Variants in GLIS3 observed in about 807,000 individuals in gnomAD.
GLIS3 encodes zinc finger protein GLIS3.
Under a neutral mutation model 78.6 loss-of-function variants are expected in GLIS3, and 53 were observed. The observed-to-expected ratio is 0.67, with a 90% CI of 0.54 to 0.85. The LOEUF is 0.85. GLIS3 is among the 40% of genes least tolerant of loss of function. GLIS3 has a pLI of 0.00. For missense variants in GLIS3, 1,703 were observed against 1,231.1 expected, an observed-to-expected ratio of 1.38 and a Z score of -5.74; for synonymous variants, 684 against 509.9, an observed-to-expected ratio of 1.34 and a Z score of -4.60.
rs1407427822 is a variant in GLIS3 at position 4,061,075 on chromosome 9, T to TA, written c.1710+56692dup. Among the ~76,000 whole-genome samples, 4 of 150,890 alleles carry TA rather than the reference T, an allele frequency of 2.7e-5. No homozygotes were observed. The East Asian group carries it at 7.8e-4, about 29-fold the overall frequency. On this transcript the variant is annotated intron_variant, in intron 4 of 10. Transcript: ENST00000381971. ...TGGCTACTGATCCATTTTTTTTTTTTACTATTACACTTTAAGTTCTAGGGT... is the reference window on the plus strand; with the variant it reads ...TGGCTACTGATCCATTTTTTTTTTTTAACTATTACACTTTAAGTTCTAGGGT...
the GLIS3 span, among the ~76,000 whole-genome samples, chr9:4,402,353 A>G: frequency 2.0e-5 from 3 of 152,242 alleles, no homozygotes; most frequent in Non-Finnish European, 2.9e-5. Flanking sequence ...CAAGAAGAAC[A>G]GGCATAAACA....
chr9:4,051,316 G>A (rs973732025), intron 4 of GLIS3, among the ~76,000 whole-genome samples: 6 of 152,186 alleles, frequency 3.9e-5, no homozygotes, highest in South Asian at 2.1e-4. Flanking sequence ...TGGCAGGGGC[G>A]GGGATAGGGG....
the GLIS3 span, among the ~76,000 whole-genome samples, chr9:4,442,629 T>C: frequency 3.9e-5 from 6 of 151,934 alleles, no homozygotes; most frequent in Non-Finnish European, 8.8e-5. Context: ...CCTCCTTTTT[T>C]CTCCTTAAAT....
At chr9:4,371,446 C>T in the GLIS3 span, among the ~76,000 whole-genome samples, 4 of 152,326 alleles carry the variant, frequency 2.6e-5, no homozygotes, top group East Asian at 7.7e-4. Flanking sequence ...CTGTATGTGG[C>T]CTGTGTTGCT....
At chr9:3,842,807 T>C (rs2130090711) in intron 9 of GLIS3, among the ~76,000 whole-genome samples, 1 of 152,350 alleles carries the variant, frequency 6.6e-6, no homozygotes, top group South Asian at 2.1e-4. Flanking sequence ...CTGAAAGTTT[T>C]CCAAGTGAAA....
chr9:4,338,054 G>GTC (rs34054463), intron 2 of GLIS3, among the ~76,000 whole-genome samples: 28,832 of 150,058 alleles, frequency 0.19, 3,195 homozygotes, highest in African/African-American at 0.3. Flanking sequence ...GTGTGTGTGT[G>GTC]TGTGTGTGTT....
In GLIS3 at chr9:4,123,323, G is replaced by C. The variant is rs538277820; in HGVS notation, c.596+2411C>G. ...AGGCACTCTCTTGGACTGCTGGTTA[G>C]TTTATAAATTGCTAGTGAGTTCCTG... On this transcript the variant is annotated intron_variant, in intron 3 of 10. Transcript: ENST00000381971. 2.6e-5 allele frequency among the ~76,000 whole-genome samples: 4 copies of C among 152,248 alleles called. No individual in the cohort carries two copies. In the East Asian group the frequency reaches 7.7e-4, roughly 29 times the overall value.
At chr9:4,097,723 A>G (rs980317514) in intron 4 of GLIS3, among the ~76,000 whole-genome samples, 1 of 152,188 alleles carries the variant, frequency 6.6e-6, no homozygotes, top group South Asian at 2.1e-4. Context: ...CTCAATATGA[A>G]AAACATCTCC....
At chr9:4,213,618 T>C (rs997813272) in intron 2 of GLIS3, among the ~76,000 whole-genome samples, 2 of 152,220 alleles carry the variant, frequency 1.3e-5, no homozygotes, top group South Asian at 2.1e-4. Flanking sequence ...GAGACTACCA[T>C]ATTGAACAGC....
At position 4,118,111 on chromosome 9, in the gene GLIS3, G is replaced by T. The variant is rs6415788; in HGVS notation, c.1367C>A (p.Pro456Gln). ...APPLPPLPPP[P>Q]GPPPPYHAHA... ...GGCATGGTAAGGGGGTGGGGGGCCT[G>T]GGGGCGGCGGCAGAGGAGGGAGCGG... The change falls in exon 4 of 11, where the codon CCA becomes CAA. Residue 456 changes from proline (P) to glutamine (Q), a missense_variant. Coordinates refer to ENST00000381971, the MANE Select transcript of GLIS3 (RefSeq NM_001042413.2). This position sits in a 1 kb window ranked among gnomAD's most constrained non-coding sequence, Gnocchi z 4.7. The T allele has an allele frequency of 0.61, 937,000 of 1,527,248 alleles. 289,946 individuals carry two copies. The highest frequency in any genetic ancestry group is 0.87 in the East Asian group (37,896 of 43,546). 94.6% of individuals were successfully genotyped at this position (1,527,248 alleles called of 1,614,324 possible).
rs555676362 is a variant in GLIS3, at chr9:4,155,358, T to C, written c.389-29417A>G. On this transcript the variant is annotated intron_variant, in intron 2 of 10. Coordinates refer to ENST00000381971, the MANE Select transcript of GLIS3 (RefSeq NM_001042413.2). ...GATTACACCTGGAACCACTGACCCA[T>C]TACATGGCGCATTTTGTCCATAATC... Among the ~76,000 whole-genome samples the C allele has an allele frequency of 1.8e-3, 271 of 152,340 alleles. 1 individual carries two copies. Among genetic ancestry groups the C allele is most frequent in the African/African-American group, 6.3e-3 (264 of 41,586 alleles).
intron 9 of GLIS3, among the ~76,000 whole-genome samples, chr9:3,835,028 C>G (rs895332829): frequency 1.3e-5 from 2 of 152,226 alleles, no homozygotes; most frequent in Non-Finnish European, 2.9e-5. Flanking sequence ...ACACAGAAGG[C>G]TCTACCCAAC....
chr9:4,247,138 C>A (rs1299375890), intron 2 of GLIS3, among the ~76,000 whole-genome samples: 1 of 152,178 alleles, frequency 6.6e-6, no homozygotes. Flanking sequence ...GCGATAAAAG[C>A]AGACTCCCTC....
intron 4 of GLIS3, among the ~76,000 whole-genome samples, chr9:4,085,870 C>T (rs766436910): frequency 5.3e-5 from 8 of 152,180 alleles, no homozygotes; most frequent in Non-Finnish European, 1.0e-4. Context: ...TCCACAGAAG[C>T]ACATGCCACT....
At chr9:4,419,517 C>G in the GLIS3 span, among the ~76,000 whole-genome samples, 14 of 152,172 alleles carry the variant, frequency 9.2e-5, no homozygotes, top group African/African-American at 3.1e-4. Flanking sequence ...TGGCCAGGTG[C>G]GGTGGCTCAT....
chr9:4,403,118 A>G, the GLIS3 span, among the ~76,000 whole-genome samples: 31 of 152,340 alleles, frequency 2.0e-4, no homozygotes, highest in Admixed American at 1.0e-3. Context: ...CATGTCTGGC[A>G]GCAAACTTTT....
At chr9:4,417,192 T>G in the GLIS3 span, among the ~76,000 whole-genome samples, 1 of 152,142 alleles carries the variant, frequency 6.6e-6, no homozygotes, top group Admixed American at 6.5e-5. Context: ...ATTTATATAG[T>G]GATTTGTGGA....
the GLIS3 span, among the ~76,000 whole-genome samples, chr9:4,430,252 G>C: frequency 6.6e-6 from 1 of 152,220 alleles, no homozygotes; most frequent in Admixed American, 6.5e-5. Flanking sequence ...ATTAATGCAT[G>C]AGAATATGGG....
At chr9:4,359,869 C>T in the GLIS3 span, among the ~76,000 whole-genome samples, 4 of 151,730 alleles carry the variant, frequency 2.6e-5, no homozygotes, top group African/African-American at 9.7e-5. Context: ...TGTATTCTTC[C>T]TTTGTTCTAT....
Sources: gnomAD v4.1 joint callset for allele counts (sites outside exome capture counted in the v4.1 genomes callset) on GRCh38, gnomAD v4.1.1 for gene constraint, Gnocchi (gnomAD v3.1) non-coding constraint, MANE v1.5 for transcripts, NCBI Gene and HGNC (gene_info 2026-07-23, HGNC 2026-07-21) for gene names.